Variants in ZNF492 observed in about 807,000 individuals in gnomAD.
ZNF492 encodes zinc finger protein 492.
ZNF492 carries 3 observed loss-of-function variants against 6.4 expected under a neutral mutation model. The ratio of observed to expected loss-of-function variants is 0.47; its 90% CI spans 0.21 to 1.22. ZNF492 has a LOEUF of 1.22. ZNF492 is among the 50% of genes most tolerant of loss of function. ZNF492 has a pLI of 0.22. For missense variants in ZNF492, 356 were observed against 612.5 expected, an observed-to-expected ratio of 0.58 and a Z score of 4.42; for synonymous variants, 112 against 205.3, an observed-to-expected ratio of 0.55 and a Z score of 3.89.
At chr19:22,648,390 T>C (rs1971905654) in intron 1 of ZNF492, among the ~76,000 whole-genome samples, 1 of 152,224 alleles carries the variant, frequency 6.6e-6, no homozygotes. Context: ...TTTAGAAAAG[T>C]GCCATGTGGC....
intron 3 of ZNF492, among the ~76,000 whole-genome samples, chr19:22,661,259 T>A (rs1166278739): frequency 1.3e-5 from 2 of 152,106 alleles, no homozygotes; most frequent in African/African-American, 4.8e-5. Context: ...TTTTTGTGAC[T>A]TTCTACAGTG....
At chr19:22,643,793 T>TA (rs1971851708) in intron 1 of ZNF492, among the ~76,000 whole-genome samples, 1 of 152,146 alleles carries the variant, frequency 6.6e-6, no homozygotes, top group African/African-American at 2.4e-5. Context: ...CATGTGACTC[T>TA]AAGTTGTGGC....
At chr19:22,659,501 CTA>C (rs1280322374) in intron 3 of ZNF492, among the ~76,000 whole-genome samples, 3 of 151,400 alleles carry the variant, frequency 2.0e-5, no homozygotes, top group Admixed American at 6.6e-5. Context: ...ATGTTGCTCT[CTA>C]TGTGTCTCTG....
intron 1 of ZNF492, among the ~76,000 whole-genome samples, chr19:22,649,250 A>G (rs1309759941): frequency 6.6e-6 from 1 of 152,164 alleles, no homozygotes; most frequent in African/African-American, 2.4e-5. Flanking sequence ...AATGTTGAAT[A>G]TTGGCCTCCA....
chr19:22,647,768 C>T (rs1320588194), intron 1 of ZNF492, among the ~76,000 whole-genome samples: 2 of 114,680 alleles, frequency 1.7e-5, no homozygotes, highest in African/African-American at 3.7e-5. Context: ...CTCACTCTGT[C>T]ACCCAAGCTG....
At chr19:22,642,015 G>T (rs1971830252) in intron 1 of ZNF492, among the ~76,000 whole-genome samples, 1 of 151,804 alleles carries the variant, frequency 6.6e-6, no homozygotes, top group Non-Finnish European at 1.5e-5. Flanking sequence ...GGATGGTCTC[G>T]ATCTCCTGAC....
At position 22,666,454 on chromosome 19, in the gene ZNF492, A is replaced by G. The variant is rs1400468309; in HGVS notation, c.*1189A>G. 1.3e-5 allele frequency: 2 copies of G among 152,120 alleles called. No homozygotes were observed. The highest frequency in any genetic ancestry group is 4.8e-5 in the African/African-American group (2 of 41,434). 9.4% of individuals were successfully genotyped at this position (152,120 alleles called of 1,614,324 possible). A position where few individuals can be genotyped will look rare whatever the true frequency, so the allele number is the denominator to read the frequency against. On this transcript the variant is annotated 3_prime_UTR_variant, in exon 4 of 4. Coordinates refer to ENST00000456783, the MANE Select transcript of ZNF492 (RefSeq NM_020855.3). ...GATCCGCCCAGCTTGGCCTCCCGCA[A>G]TGCTGCAATTACAGGTGTTAGCCAC... is the stretch of plus-strand genomic sequence containing the variant.
intron 3 of ZNF492, among the ~76,000 whole-genome samples, chr19:22,663,307 G>A (rs564481514): frequency 1.3e-4 from 19 of 151,782 alleles, no homozygotes; most frequent in African/African-American, 3.4e-4. Flanking sequence ...ATCTGTTTTG[G>A]TACCTTACCT....
intron 1 of ZNF492, among the ~76,000 whole-genome samples, chr19:22,647,965 T>A (rs1971901206): frequency 2.0e-5 from 3 of 151,624 alleles, no homozygotes; most frequent in African/African-American, 7.3e-5. Flanking sequence ...CTCTCCTGAT[T>A]TCAGGTGATT....
Position 22,634,367 on chromosome 19 carries a change from T to C in ZNF492, c.-201T>C. On this transcript the variant is annotated 5_prime_UTR_variant, in exon 1 of 4. Transcript: ENST00000456783. ...AGTCGGAGTATGGTCTAGTGTTCGC[T>C]GTTCTGCGTCCTCTGGTCCTAGAGG... The C allele has an allele frequency of 8.5e-7, 1 of 1,171,302 alleles. No individual in the cohort carries two copies. Among genetic ancestry groups the C allele is most frequent in the Non-Finnish European group, 1.2e-6 (1 of 806,488 alleles). 72.6% of individuals were successfully genotyped at this position (1,171,302 alleles called of 1,614,324 possible).
At chr19:22,653,841 AC>A (rs1971966260) in intron 2 of ZNF492, 78 bp from the exon 3 acceptor site, 1 of 1,434,116 alleles carries the variant, frequency 7.0e-7, no homozygotes, top group South Asian at 1.5e-5. Context: ...ATATTCTATT[AC>A]ATCCTTTTTT....
Position 22,665,396 on chromosome 19 carries a change from T to G in ZNF492, c.*131T>G. ...CAAAACTTACACAATGCTCAAACCT[T>G]ATTGCACAGGAAAGCCTTTATACTT... is the stretch of plus-strand genomic sequence containing the variant. On this transcript the variant is annotated 3_prime_UTR_variant, in exon 4 of 4. Coordinates refer to ENST00000456783, the MANE Select transcript of ZNF492 (RefSeq NM_020855.3). The G allele has an allele frequency of 2.1e-6, 3 of 1,458,108 alleles. No individual in the cohort carries two copies. The highest frequency in any genetic ancestry group is 2.7e-6 in the Non-Finnish European group (3 of 1,104,126). 90.3% of individuals were successfully genotyped at this position (1,458,108 alleles called of 1,614,324 possible). A position where few individuals can be genotyped will look rare whatever the true frequency, so the allele number is the denominator to read the frequency against.
At chr19:22,643,725 C>G (rs2145246165) in intron 1 of ZNF492, among the ~76,000 whole-genome samples, 1 of 152,228 alleles carries the variant, frequency 6.6e-6, no homozygotes, top group East Asian at 1.9e-4. Flanking sequence ...GTGCCCTTCC[C>G]ACAGGTTCTG....
chr19:22,653,215 G>A, intron 1 of ZNF492, 92 bp from the exon 2 acceptor site: 1 of 1,446,766 alleles, frequency 6.9e-7, no homozygotes, highest in South Asian at 1.3e-5. Context: ...GTAAGAACCA[G>A]TTCTCTTTAC....
intron 1 of ZNF492, among the ~76,000 whole-genome samples, chr19:22,637,794 G>A (rs962482028): frequency 1.1e-4 from 16 of 152,080 alleles, no homozygotes; most frequent in Admixed American, 6.6e-4. Flanking sequence ...GTGAGGAATC[G>A]TCACACTACT....
intron 1 of ZNF492, among the ~76,000 whole-genome samples, chr19:22,635,416 A>G: frequency 6.6e-6 from 1 of 152,168 alleles, no homozygotes; most frequent in East Asian, 1.9e-4. Context: ...TTACATTATT[A>G]TTTGTCCTTT....
At chr19:22,658,931 G>A (rs1267674077) in intron 3 of ZNF492, among the ~76,000 whole-genome samples, 3 of 150,394 alleles carry the variant, frequency 2.0e-5, no homozygotes, top group East Asian at 4.0e-4. Flanking sequence ...TTGAAATCAG[G>A]AACTGTAATG....
At chr19:22,636,514 C>CTGTGTGTGTGTGTGTGTGTGTG (rs141601969) in intron 1 of ZNF492, among the ~76,000 whole-genome samples, 29 of 147,310 alleles carry the variant, frequency 2.0e-4, no homozygotes, top group Admixed American at 4.1e-4. Context: ...ACATGATCTT[C>CTGTGTGTGTGTGTGTGTGTGTG]TGTGTGTGTG....
rs1407233945 is a variant in ZNF492, at chr19:22,665,008, A to G, written c.1339A>G (p.Lys447Glu). 7 of 1,580,760 alleles carry G rather than the reference A, an allele frequency of 4.4e-6. No individual in the cohort carries two copies. Among genetic ancestry groups the G allele is most frequent in the Non-Finnish European group, 6.0e-6 (7 of 1,162,368 alleles). Residue 447 changes from lysine (K) to glutamate (E), a missense_variant, in exon 4 of 4, where the codon AAG becomes GAG. By Grantham distance (56) the Lys-to-Glu change is moderately conservative. Transcript: ENST00000456783. Reference protein sequence around the residue: ...SKHKVIHTGEKPYKYEECGKA... With the variant: ...SKHKVIHTGEEPYKYEECGKA... ...ACATAAGGTAATTCATACTGGAGAG[A>G]AGCCCTACAAATATGAAGAATGTGG...
Sources: gnomAD v4.1 joint callset for allele counts (sites outside exome capture counted in the v4.1 genomes callset) on GRCh38, gnomAD v4.1.1 for gene constraint, MANE v1.5 for transcripts, NCBI Gene and HGNC (gene_info 2026-07-23, HGNC 2026-07-21) for gene names.